CDYL2: variants seen among roughly 807,000 people sequenced by gnomAD.
CDYL2 encodes chromodomain Y like 2, also known as chromodomain Y-like protein 2.
Under a neutral mutation model 49.4 loss-of-function variants are expected in CDYL2, and 23 were observed. The ratio of observed to expected loss-of-function variants is 0.47; its 90% CI spans 0.34 to 0.66. The LOEUF (loss-of-function observed/expected upper bound fraction) is 0.66. Among genes scored for constraint, CDYL2 ranks in the 30% least tolerant of loss-of-function variants. CDYL2 has a pLI of 0.01. For synonymous variants in CDYL2, 360 were observed against 268.8 expected, an observed-to-expected ratio of 1.34 and a Z score of -3.32; for missense variants, 678 against 656.4, an observed-to-expected ratio of 1.03 and a Z score of -0.36.
intron 1 of CDYL2, among the ~76,000 whole-genome samples, chr16:80,740,274 T>C (rs368223563): frequency 9.2e-5 from 14 of 152,322 alleles, no homozygotes; most frequent in African/African-American, 3.1e-4. Flanking sequence ...ATGTAGCCCA[T>C]GATCCTACTG....
intron 2 of CDYL2, among the ~76,000 whole-genome samples, chr16:80,644,511 G>A (rs573140973): frequency 8.5e-5 from 13 of 152,242 alleles, no homozygotes; most frequent in African/African-American, 3.1e-4. Context: ...GTAGACTGGG[G>A]AACAAAAGAG....
At chr16:80,697,438 A>G (rs1310863748) in intron 1 of CDYL2, among the ~76,000 whole-genome samples, 3 of 152,194 alleles carry the variant, frequency 2.0e-5, no homozygotes, top group Non-Finnish European at 4.4e-5. Context: ...TATAAAGGCC[A>G]TATCTGACAA....
intron 1 of CDYL2, among the ~76,000 whole-genome samples, chr16:80,789,752 C>A (rs1457803111): frequency 1.3e-5 from 2 of 152,136 alleles, no homozygotes; most frequent in African/African-American, 4.8e-5. Flanking sequence ...GAAATCATAT[C>A]TTTTGCAGCA....
At chr16:80,635,991 C>T (rs7190221) in intron 2 of CDYL2, among the ~76,000 whole-genome samples, 151,955 of 152,348 alleles carry the variant, frequency 1, 75,781 homozygotes, top group Middle Eastern at 1. Context: ...TAAACGGTGT[C>T]GGGAAAACCA....
At chr16:80,753,125 G>C (rs1906192217) in intron 1 of CDYL2, among the ~76,000 whole-genome samples, 1 of 152,050 alleles carries the variant, frequency 6.6e-6, no homozygotes, top group East Asian at 1.9e-4. Context: ...CTGAGAAGTG[G>C]TAAAATTGTA....
intron 1 of CDYL2, among the ~76,000 whole-genome samples, chr16:80,762,615 A>G (rs1013893346): frequency 6.6e-6 from 1 of 152,236 alleles, no homozygotes; most frequent in Non-Finnish European, 1.5e-5. Context: ...CATGTATTTC[A>G]TACCTGCTAA....
At chr16:80,782,098 T>A (rs990587415) in intron 1 of CDYL2, among the ~76,000 whole-genome samples, 1 of 151,706 alleles carries the variant, frequency 6.6e-6, no homozygotes, top group African/African-American at 2.4e-5. Flanking sequence ...GAAACCAAAG[T>A]CTATTCTTTG....
chr16:80,795,482 T>C (rs939823139), intron 1 of CDYL2, among the ~76,000 whole-genome samples: 5 of 152,096 alleles, frequency 3.3e-5, no homozygotes, highest in African/African-American at 1.2e-4. Flanking sequence ...TTCACTGGAG[T>C]GGTGTGACCT....
chr16:80,656,639 A>G (rs1908825535), intron 2 of CDYL2, among the ~76,000 whole-genome samples: 1 of 152,216 alleles, frequency 6.6e-6, no homozygotes, highest in South Asian at 2.1e-4. Flanking sequence ...ATTTCCCATT[A>G]AGAAGGCTCC....
intron 3 of CDYL2, chr16:80,628,358 T>C (rs1331508523): frequency 6.6e-6 from 1 of 152,262 alleles, no homozygotes; most frequent in Admixed American, 6.5e-5. Context: ...AAAAGGATCA[T>C]CCTCTCTTGC....
chr16:80,695,298 T>C (rs776424591), intron 1 of CDYL2, among the ~76,000 whole-genome samples: 1 of 152,126 alleles, frequency 6.6e-6, no homozygotes, highest in East Asian at 1.9e-4. Context: ...CTTATCACTA[T>C]ACAAAACCAC....
At chr16:80,672,270 C>G (rs1365192790) in intron 2 of CDYL2, among the ~76,000 whole-genome samples, 1 of 150,752 alleles carries the variant, frequency 6.6e-6, no homozygotes, top group Non-Finnish European at 1.5e-5. Flanking sequence ...CAGACATACG[C>G]TATATTGAGC....
intron 1 of CDYL2, among the ~76,000 whole-genome samples, chr16:80,788,029 A>G (rs1907492419): frequency 6.6e-6 from 1 of 152,196 alleles, no homozygotes; most frequent in Non-Finnish European, 1.5e-5. Flanking sequence ...GAAAAGTTTC[A>G]GAAACATTAT....
chr16:80,625,072 C>T (rs1907243445), intron 3 of CDYL2, among the ~76,000 whole-genome samples: 1 of 152,184 alleles, frequency 6.6e-6, no homozygotes, highest in Non-Finnish European at 1.5e-5. Flanking sequence ...CCACTAGTTT[C>T]CTATGGCTGC....
intron 2 of CDYL2, among the ~76,000 whole-genome samples, chr16:80,679,956 C>T (rs143423459): frequency 3.7e-4 from 57 of 152,304 alleles, no homozygotes; most frequent in East Asian, 1.4e-3. Context: ...GGGATTCTGA[C>T]GCCGGATCCA....
At chr16:80,775,518 G>C (rs997492557) in intron 1 of CDYL2, among the ~76,000 whole-genome samples, 1 of 151,644 alleles carries the variant, frequency 6.6e-6, no homozygotes, top group Non-Finnish European at 1.5e-5. Flanking sequence ...AAATATGTTT[G>C]TAAAGGATTT....
chr16:80,698,973 C>T (rs988498490), intron 1 of CDYL2, among the ~76,000 whole-genome samples: 1 of 151,926 alleles, frequency 6.6e-6, no homozygotes, highest in Non-Finnish European at 1.5e-5. Flanking sequence ...AACATCTCAC[C>T]CCAGGTAGAA....
At chr16:80,678,330 C>A (rs541675790) in intron 2 of CDYL2, among the ~76,000 whole-genome samples, 2 of 151,978 alleles carry the variant, frequency 1.3e-5, no homozygotes, top group South Asian at 4.1e-4. Context: ...AGGCAACCCA[C>A]AAAATGGGAG....
intron 3 of CDYL2, among the ~76,000 whole-genome samples, chr16:80,628,782 T>C (rs1417102365): frequency 1.3e-5 from 2 of 152,192 alleles, no homozygotes; most frequent in Non-Finnish European, 2.9e-5. Flanking sequence ...ATTTAACAAA[T>C]GTTTACTGAA....
Sources: gnomAD v4.1 joint callset for allele counts (sites outside exome capture counted in the v4.1 genomes callset) on GRCh38, gnomAD v4.1.1 for gene constraint, MANE v1.5 for transcripts, NCBI Gene and HGNC (gene_info 2026-07-23, HGNC 2026-07-21) for gene names.